The following DMD variants were observed in gnomAD, a reference collection of about 807,000 sequenced individuals.
DMD encodes the protein dystrophin.
Under a neutral mutation model 330.1 loss-of-function variants are expected in DMD, and 63 were observed. The observed-to-expected ratio is 0.19, with a 90% confidence interval of 0.16 to 0.24. The LOEUF (loss-of-function observed/expected upper bound fraction) is 0.24. DMD is among the 10% of genes least tolerant of loss of function. The pLI is 1.00. For missense variants in DMD, 3,344 were observed against 2,684.1 expected, an observed-to-expected ratio of 1.25 and a Z score of -5.43; for synonymous variants, 1,223 against 959.8, an observed-to-expected ratio of 1.27 and a Z score of -5.07.
chrX:31,652,077 T>A (rs754398348), intron 54 of DMD, among the ~76,000 whole-genome samples: 2 of 112,224 alleles, frequency 1.8e-5, no homozygotes, highest in South Asian at 7.4e-4. Context: ...GATCTCCCTT[T>A]TAAGGTTCCT....
chrX:32,362,458 C>T (rs185036590), intron 37 of DMD, among the ~76,000 whole-genome samples: 22 of 110,925 alleles, frequency 2.0e-4, no homozygotes, highest in African/African-American at 5.9e-4. Flanking sequence ...ATTTTTTTGG[C>T]CTTCAGCATG....
chrX:32,156,005 CA>C, intron 44 of DMD, among the ~76,000 whole-genome samples: 3 of 100,718 alleles, frequency 3.0e-5, no homozygotes, highest in Non-Finnish European at 6.3e-5. Flanking sequence ...CACACACACA[CA>C]CACACACACA....
intron 51 of DMD, among the ~76,000 whole-genome samples, chrX:31,752,107 G>T (rs1358673623): frequency 9.0e-6 from 1 of 111,447 alleles, no homozygotes; most frequent in Non-Finnish European, 1.9e-5. Flanking sequence ...GATTACATTG[G>T]GCGCACTGGG....
chrX:31,885,905 G>A (rs2094148299), intron 47 of DMD, among the ~76,000 whole-genome samples: 1 of 110,673 alleles, frequency 9.0e-6, no homozygotes, highest in African/African-American at 3.3e-5. Context: ...CAGTTAGAAT[G>A]CTTATCAAAT....
chrX:31,473,711 CAA>C (rs55752684), intron 59 of DMD, among the ~76,000 whole-genome samples: 4 of 40,120 alleles, frequency 1.0e-4, no homozygotes, highest in South Asian at 1.4e-3. Flanking sequence ...GACTCTGTCT[CAA>C]AAAAAAAAAA....
chrX:31,325,158 C>A (rs1265962943), intron 61 of DMD, among the ~76,000 whole-genome samples: 2 of 111,571 alleles, frequency 1.8e-5, no homozygotes, highest in African/African-American at 6.5e-5. Flanking sequence ...CTATTCCTTT[C>A]TTTTCCCTTC....
intron 1 of DMD, among the ~76,000 whole-genome samples, chrX:33,309,911 A>C (rs769949946): frequency 9.0e-6 from 1 of 111,289 alleles, no homozygotes; most frequent in Non-Finnish European, 1.9e-5. Context: ...GAAGCATAGA[A>C]GTATTTGGAG....
chrX:33,217,338 G>C (rs2052075789), intron 1 of DMD, among the ~76,000 whole-genome samples: 2 of 111,530 alleles, frequency 1.8e-5, no homozygotes, highest in South Asian at 7.4e-4. Flanking sequence ...TGTTTTGATA[G>C]GAATTGCATT....
intron 61 of DMD, among the ~76,000 whole-genome samples, chrX:31,332,808 C>T (rs149240843): frequency 0.012 from 1,382 of 111,514 alleles, 14 homozygotes; most frequent in African/African-American, 0.042. Context: ...ACAGAGCGCT[C>T]GATACTTTTT....
At chrX:32,744,853 A>G (rs1177966305) in intron 7 of DMD, among the ~76,000 whole-genome samples, 1 of 112,261 alleles carries the variant, frequency 8.9e-6, no homozygotes, top group Non-Finnish European at 1.9e-5. Context: ...TGATTTTAGA[A>G]GAGATTACCA....
At chrX:32,216,755 TA>T in intron 44 of DMD, 160 bp downstream of exon 44, 1 of 503,984 alleles carries the variant, frequency 2.0e-6, no homozygotes, top group Non-Finnish European at 3.4e-6. Context: ...CACCGTGCTC[TA>T]ATATTATCAT....
At chrX:32,997,309 G>A (rs369682072) in intron 2 of DMD, among the ~76,000 whole-genome samples, 66 of 108,272 alleles carry the variant, frequency 6.1e-4, no homozygotes, top group African/African-American at 2.2e-3. Flanking sequence ...GCAGTGGCGC[G>A]ATCTCGGCTC....
At chrX:32,588,082 T>A (rs146074692) in intron 13 of DMD, among the ~76,000 whole-genome samples, 427 of 112,104 alleles carry the variant, frequency 3.8e-3, no homozygotes, top group Non-Finnish European at 6.4e-3. Context: ...AAAAAATCTT[T>A]CTTGGAATTA....
intron 53 of DMD, among the ~76,000 whole-genome samples, chrX:31,669,736 T>C (rs997860452): frequency 1.8e-5 from 2 of 110,880 alleles, no homozygotes; most frequent in Non-Finnish European, 3.8e-5. Context: ...GTTTTTGAAA[T>C]TGGAAAGTTA....
At chrX:31,291,756 C>T (rs1241048455) in intron 62 of DMD, among the ~76,000 whole-genome samples, 1 of 111,171 alleles carries the variant, frequency 9.0e-6, no homozygotes. Flanking sequence ...CCCTACTTGC[C>T]TTTATGAAAC....
intron 9 of DMD, among the ~76,000 whole-genome samples, chrX:32,647,095 G>A (rs2059829664): frequency 1.8e-5 from 2 of 111,417 alleles, no homozygotes; most frequent in Non-Finnish European, 3.8e-5. Context: ...CCAGCTTCAC[G>A]TTTGTGCAAC....
At chrX:31,925,342 G>A (rs772012654) in intron 47 of DMD, among the ~76,000 whole-genome samples, 1 of 110,726 alleles carries the variant, frequency 9.0e-6, no homozygotes, top group Admixed American at 9.6e-5. Flanking sequence ...TCTAGGACTC[G>A]GTGTTCAAAA....
intron 1 of DMD, among the ~76,000 whole-genome samples, chrX:33,153,969 T>A (rs1476657803): frequency 8.9e-6 from 1 of 112,784 alleles, no homozygotes; most frequent in Non-Finnish European, 1.9e-5. Context: ...AGTTTATTTC[T>A]AAAGCTATAT....
rs1269922032 is a variant in DMD at position 31,772,944 on chromosome X, C to T, written c.7542+1016G>A. ...GATCCAGAGATGGCTTGACCACAAT[C>T]ATCATTTGCAAATGGCACTGAATTC... On this transcript the variant is annotated intron_variant, in intron 51 of 78. Transcript: ENST00000357033. 2.7e-5 allele frequency among the ~76,000 whole-genome samples: 3 copies of T among 111,874 alleles called. No individual in the cohort carries two copies. The Admixed American group carries it at 2.9e-4, about 11-fold the overall frequency.
Sources: gnomAD v4.1 joint callset for allele counts (sites outside exome capture counted in the v4.1 genomes callset) on GRCh38, gnomAD v4.1.1 for gene constraint, MANE v1.5 for transcripts, NCBI Gene and HGNC (gene_info 2026-07-23, HGNC 2026-07-21) for gene names.